Variants in RFC2 observed in about 807,000 individuals in gnomAD.
RFC2 encodes A1 40 kDa subunit.
A neutral mutation model predicts 44.8 loss-of-function variants in RFC2; 34 were observed. The observed-to-expected ratio is 0.76, with a 90% confidence interval of 0.58 to 1.01. RFC2 has a LOEUF of 1.01. RFC2 is among the 50% of genes least tolerant of loss of function. The pLI is 0.00. For missense variants in RFC2, 400 were observed against 453.6 expected (o/e 0.88, Z 1.07); for synonymous variants, 177 against 168.9 (o/e 1.05, Z -0.37).
At chr7:74,244,253 G>A (rs2116311420) in intron 5 of RFC2, among the ~76,000 whole-genome samples, 1 of 151,780 alleles carries the variant, frequency 6.6e-6, no homozygotes, top group East Asian at 1.9e-4. Context: ...GGGCAACAGA[G>A]TGAGGCTCCA....
chr7:74,240,052 C>T lies in RFC2; in HGVS notation c.579G>A (p.Leu193=). The change falls in exon 7 of 11, where the codon CTG becomes CTA. Residue 193 remains leucine, a synonymous_variant. Coordinates refer to ENST00000055077, the MANE Select transcript of RFC2 (RefSeq NM_181471.3). ...GCCTGGTGAGGATCTGGGCGTCGGTCAGCTTTGTGTACCGGAGGACTGCAC... is the reference window on the plus strand; with the variant it reads ...GCCTGGTGAGGATCTGGGCGTCGGTTAGCTTTGTGTACCGGAGGACTGCAC... ...SRCAVLRYTK[L]TDAQILTRLM... 1 of 1,614,124 alleles carries T rather than the reference C, an allele frequency of 6.2e-7. No individual in the cohort carries two copies. Among genetic ancestry groups the T allele is most frequent in the Non-Finnish European group, 8.5e-7 (1 of 1,180,006 alleles).
At chr7:74,234,399 T>C (rs868908606) in intron 10 of RFC2, among the ~76,000 whole-genome samples, 4 of 152,172 alleles carry the variant, frequency 2.6e-5, no homozygotes, top group African/African-American at 9.7e-5. Flanking sequence ...CTGAGTGCGT[T>C]TGTCCTGTAC....
chr7:74,252,944 A>G (rs1787057074), intron 1 of RFC2, among the ~76,000 whole-genome samples: 1 of 152,222 alleles, frequency 6.6e-6, no homozygotes. Flanking sequence ...TCAAAAATAA[A>G]TAATAAATAA....
In RFC2 at chr7:74,240,374, C is replaced by T. The variant is rs541371687; in HGVS notation, c.536-279G>A. Among the ~76,000 whole-genome samples the T allele has an allele frequency of 8.6e-5, 13 of 151,982 alleles. No individual in the cohort carries two copies. The East Asian group carries it at 1.9e-3, about 23-fold the overall frequency. On this transcript the variant is annotated intron_variant, in intron 6 of 10. Coordinates refer to ENST00000055077, the MANE Select transcript of RFC2 (RefSeq NM_181471.3). ...AAAATTAGCTGGGTGTGGTGTCGCA[C>T]GTCTGTAATCCTAGCTACTCAGGAG... is the stretch of plus-strand genomic sequence containing the variant.
chr7:74,247,201 T>C (rs782231924), intron 4 of RFC2, among the ~76,000 whole-genome samples: 16 of 151,742 alleles, frequency 1.1e-4, no homozygotes, highest in East Asian at 1.9e-4. Context: ...AAAGATGTAA[T>C]AGAAGTGCAG....
chr7:74,254,339 G>A lies in RFC2; in HGVS notation c.45C>T (p.Ala15=). Residue 15 remains alanine (A), a synonymous_variant, in exon 1 of 11, where the codon GCC becomes GCT. Transcript: ENST00000055077. The part of the protein sequence containing the change: ...AVCGGAGEVE[A]QDSDPAPAFS... ...AGGCAGGGGCAGGGTCAGAGTCCTG[G>A]GCCTCCACCTCGCCCGCGCCACCAC... 6.2e-7 allele frequency: 1 copy of A among 1,611,142 alleles called. No individual in the cohort carries two copies. Among genetic ancestry groups the A allele is most frequent in the Non-Finnish European group, 8.5e-7 (1 of 1,179,038 alleles).
intron 2 of RFC2, among the ~76,000 whole-genome samples, chr7:74,250,091 C>T (rs562058083): frequency 2.7e-5 from 4 of 150,844 alleles, no homozygotes; most frequent in African/African-American, 7.3e-5. Flanking sequence ...AAGTGGAGGC[C>T]GCAGTGAGCT....
chr7:74,238,941 G>A lies in RFC2; in HGVS notation c.741C>T (p.Asn247=). The change falls in exon 8 of 11, where the codon AAC becomes AAT. Residue 247 remains asparagine (N), a synonymous_variant. Coordinates refer to ENST00000055077, the MANE Select transcript of RFC2 (RefSeq NM_181471.3). The surrounding 1 kb of genome is among the most constrained non-coding windows in gnomAD (Gnocchi z 4.0). ...CTTGTACCTTGAACACGTTCTCACT[G>A]TTAATGAAGCCAAATCCTGAGAAGG... is the stretch of plus-strand genomic sequence containing the variant. ...QSTFSGFGFI[N]SENVFKVCDE... The A allele has an allele frequency of 6.2e-7, 1 of 1,613,960 alleles. No homozygotes were observed. The highest frequency in any genetic ancestry group is 8.5e-7 in the Non-Finnish European group (1 of 1,179,830).
chr7:74,237,199 G>T (rs1410813272), intron 9 of RFC2, 163 bp downstream of exon 9: 1 of 547,854 alleles, frequency 1.8e-6, no homozygotes, highest in Middle Eastern at 2.8e-4. Flanking sequence ...CTGCAGCCTT[G>T]ACCTCCAAGG....
intron 3 of RFC2, 108 bp downstream of exon 3, chr7:74,249,631 A>C: frequency 1.1e-6 from 1 of 886,870 alleles, no homozygotes; most frequent in Non-Finnish European, 1.9e-6. Context: ...TTGCCGGGGG[A>C]ATGGGAAGGG....
intron 10 of RFC2, among the ~76,000 whole-genome samples, chr7:74,234,449 A>G (rs534800427): frequency 6.6e-6 from 1 of 152,276 alleles, no homozygotes; most frequent in East Asian, 1.9e-4. Context: ...TTAAACCTCA[A>G]TTAATCTAAC....
intron 7 of RFC2, among the ~76,000 whole-genome samples, chr7:74,239,619 C>T (rs1803213246): frequency 6.6e-6 from 1 of 152,216 alleles, no homozygotes; most frequent in Non-Finnish European, 1.5e-5. Flanking sequence ...GCGTGAGCCA[C>T]TGTGCCTGGC....
At chr7:74,245,180 C>T (rs975823805) in intron 5 of RFC2, among the ~76,000 whole-genome samples, 23 of 151,860 alleles carry the variant, frequency 1.5e-4, no homozygotes, top group Middle Eastern at 3.4e-3. Context: ...CAGGTATGTG[C>T]CACCACACCT....
intron 5 of RFC2, among the ~76,000 whole-genome samples, chr7:74,245,548 T>C (rs1803554460): frequency 6.8e-6 from 1 of 146,052 alleles, no homozygotes; most frequent in Non-Finnish European, 1.5e-5. Flanking sequence ...CCGTCTCTAC[T>C]AAAAATACAA....
At chr7:74,246,408 A>C (rs1053294110) in intron 5 of RFC2, among the ~76,000 whole-genome samples, 2 of 151,742 alleles carry the variant, frequency 1.3e-5, no homozygotes, top group East Asian at 1.9e-4. Context: ...CAAAAAAAAA[A>C]AAAAACAAAA....
intron 9 of RFC2, chr7:74,237,146 C>T (rs1274836820): frequency 9.9e-6 from 4 of 404,534 alleles, no homozygotes; most frequent in African/African-American, 2.0e-5. Context: ...GACAGGGTCT[C>T]ACCATCACCC....
intron 7 of RFC2, 52 bp from the exon 8 acceptor site, chr7:74,239,040 TGAGTA>T: frequency 6.8e-7 from 1 of 1,474,274 alleles, no homozygotes; most frequent in Non-Finnish European, 9.4e-7. Context: ...TATTTCTTTT[TGAGTA>T]GAGACAGGAG....
chr7:74,249,682 A>T (rs1256147869), intron 3 of RFC2, 57 bp downstream of exon 3: 1 of 1,419,770 alleles, frequency 7.0e-7, no homozygotes, highest in Non-Finnish European at 1.0e-6. Context: ...AAAGCAGTTC[A>T]GCGGACAGTG....
intron 4 of RFC2, among the ~76,000 whole-genome samples, chr7:74,246,970 A>G (rs992625440): frequency 6.7e-6 from 1 of 148,656 alleles, no homozygotes; most frequent in Non-Finnish European, 1.5e-5. Flanking sequence ...CAAAGAAAAT[A>G]TACACTTTTT....
Sources: allele counts gnomAD v4.1 joint callset (sites outside exome capture counted in the v4.1 genomes callset), GRCh38; gene constraint gnomAD v4.1.1; non-coding constraint Gnocchi (gnomAD v3.1); transcripts MANE v1.5; gene names NCBI Gene and HGNC (gene_info 2026-07-23, HGNC 2026-07-21).